The following CDK19 variants were observed in gnomAD, a reference collection of about 807,000 sequenced individuals.
The protein encoded by CDK19 is cyclin-dependent kinase 19.
In CDK19, 20 loss-of-function variants were observed where a neutral mutation model predicts 68.3. The ratio of observed to expected loss-of-function variants is 0.29; its 90% CI spans 0.21 to 0.43. The LOEUF is 0.43. CDK19 is among the 20% of genes least tolerant of loss of function. CDK19 has a pLI of 1.00. For synonymous variants in CDK19, 221 were observed against 222.8 expected (o/e 0.99, Z 0.07); for missense variants, 339 against 623.5 (o/e 0.54, Z 4.86).
intron 1 of CDK19, among the ~76,000 whole-genome samples, chr6:110,804,905 G>A (rs554956481): frequency 4.0e-5 from 6 of 151,384 alleles, no homozygotes; most frequent in African/African-American, 9.7e-5. Flanking sequence ...GCAGTGAGCC[G>A]AGATCGCGCC....
chr6:110,648,538 C>CTTTTTTTTTTT (rs60624969), intron 4 of CDK19, among the ~76,000 whole-genome samples: 2 of 120,216 alleles, frequency 1.7e-5, no homozygotes, highest in African/African-American at 3.1e-5. Context: ...TTTTTCTTTT[C>CTTTTTTTTTTT]TTTTTTTTTT....
intron 1 of CDK19, among the ~76,000 whole-genome samples, chr6:110,755,755 C>G (rs571018304): frequency 6.6e-6 from 1 of 152,120 alleles, no homozygotes. Context: ...CCTGTACTAT[C>G]GAAAGCCATC....
chr6:110,776,919 A>G (rs1364117254), intron 1 of CDK19, among the ~76,000 whole-genome samples: 2 of 152,220 alleles, frequency 1.3e-5, no homozygotes, highest in Non-Finnish European at 2.9e-5. Flanking sequence ...TGAGATAGGT[A>G]CTATTATACT....
chr6:110,688,354 A>T (rs931312702), intron 2 of CDK19, among the ~76,000 whole-genome samples: 2 of 149,086 alleles, frequency 1.3e-5, no homozygotes, highest in East Asian at 2.0e-4. Context: ...TATATATATA[A>T]AATGCAGGGA....
intron 2 of CDK19, among the ~76,000 whole-genome samples, chr6:110,734,123 C>A (rs1266079639): frequency 6.6e-6 from 1 of 152,054 alleles, no homozygotes; most frequent in Non-Finnish European, 1.5e-5. Context: ...AATTCTCGTG[C>A]CTCAGCCTGC....
chr6:110,695,785 A>G (rs1167842098), intron 2 of CDK19, among the ~76,000 whole-genome samples: 1 of 152,068 alleles, frequency 6.6e-6, no homozygotes, highest in Non-Finnish European at 1.5e-5. Flanking sequence ...ACCCTCCTAG[A>G]TTAACTTGGG....
At chr6:110,701,936 TTCGAGAC>T (rs1229226947) in intron 2 of CDK19, among the ~76,000 whole-genome samples, 4 of 147,380 alleles carry the variant, frequency 2.7e-5, no homozygotes, top group African/African-American at 7.6e-5. Flanking sequence ...AGGTCAGGAG[TTCGAGAC>T]CAGCTTGGCT....
At chr6:110,700,715 A>G (rs1773919807) in intron 2 of CDK19, 3 of 178,826 alleles carry the variant, frequency 1.7e-5, no homozygotes, top group Non-Finnish European at 3.7e-5. Context: ...ATGCCTACCA[A>G]GACTCTGAAA....
intron 2 of CDK19, among the ~76,000 whole-genome samples, chr6:110,719,624 T>C (rs568903758): frequency 1.3e-5 from 2 of 152,206 alleles, no homozygotes; most frequent in South Asian, 4.1e-4. Context: ...GAAAAGATAA[T>C]ACAGTTAAAG....
chr6:110,791,288 A>G (rs1229066615), intron 1 of CDK19, among the ~76,000 whole-genome samples: 1 of 152,106 alleles, frequency 6.6e-6, no homozygotes, highest in African/African-American at 2.4e-5. Flanking sequence ...AAAAGAAAAG[A>G]AAAATGTAGA....
chr6:110,624,635 G>A (rs549864536), intron 8 of CDK19, among the ~76,000 whole-genome samples: 1 of 152,242 alleles, frequency 6.6e-6, no homozygotes, highest in South Asian at 2.1e-4. Context: ...CTAAAAAATT[G>A]TCTTAGCTTT....
Position 110,611,994 on chromosome 6 carries a change from T to C in CDK19, c.*2541A>G, listed in dbSNP as rs1778048889. On this transcript the variant is annotated 3_prime_UTR_variant, in exon 13 of 13. Transcript: ENST00000368911. Reference sequence around the variant, plus strand: ...GAGGATATTGTATACTGGGAGCAACTGACGAAATCCCCTTACAGTTTATAT... The same window carrying C: ...GAGGATATTGTATACTGGGAGCAACCGACGAAATCCCCTTACAGTTTATAT... The C allele has an allele frequency of 6.6e-6, 1 of 152,232 alleles. No individual in the cohort carries two copies. Among genetic ancestry groups the C allele is most frequent in the South Asian group, 2.1e-4 (1 of 4,838 alleles). The allele number at this position is 152,232 out of a possible 1,614,324, so 9.4% of individuals were successfully genotyped here.
chr6:110,635,858 C>CA (rs1259088548), intron 5 of CDK19, among the ~76,000 whole-genome samples: 4 of 151,986 alleles, frequency 2.6e-5, no homozygotes, highest in African/African-American at 4.8e-5. Flanking sequence ...TTCTTTTAAG[C>CA]AAAAAACAAC....
chr6:110,732,466 G>A (rs1428450452), intron 2 of CDK19, among the ~76,000 whole-genome samples: 2 of 152,028 alleles, frequency 1.3e-5, no homozygotes, highest in African/African-American at 2.4e-5. Context: ...AATCTGGGAG[G>A]CAGAGGTTGC....
chr6:110,704,642 T>C (rs1774286191), intron 2 of CDK19, among the ~76,000 whole-genome samples: 2 of 152,244 alleles, frequency 1.3e-5, no homozygotes, highest in South Asian at 2.1e-4. Context: ...TGTAAAGTCA[T>C]TCCATGTTAT....
At chr6:110,647,250 T>C (rs1016254983) in intron 4 of CDK19, among the ~76,000 whole-genome samples, 1 of 152,062 alleles carries the variant, frequency 6.6e-6, no homozygotes, top group African/African-American at 2.4e-5. Flanking sequence ...CAGCCTTGTC[T>C]ATGCAGCAAG....
intron 1 of CDK19, among the ~76,000 whole-genome samples, chr6:110,773,463 G>A (rs1031018569): frequency 2.0e-5 from 3 of 152,080 alleles, no homozygotes; most frequent in Non-Finnish European, 4.4e-5. Context: ...TCATGGATTA[G>A]GCTGCCCCTC....
intron 1 of CDK19, among the ~76,000 whole-genome samples, chr6:110,802,669 C>T (rs1248533055): frequency 6.6e-6 from 1 of 152,138 alleles, no homozygotes; most frequent in Non-Finnish European, 1.5e-5. Context: ...CAAACCTGCA[C>T]ATGTATCCCC....
chr6:110,743,515 G>A (rs530175318), intron 2 of CDK19, among the ~76,000 whole-genome samples: 29 of 152,080 alleles, frequency 1.9e-4, no homozygotes, highest in African/African-American at 5.8e-4. Flanking sequence ...GGTGGTGCAC[G>A]CCTGTAATCC....
Sources: allele counts gnomAD v4.1 joint callset (sites outside exome capture counted in the v4.1 genomes callset), GRCh38; gene constraint gnomAD v4.1.1; transcripts MANE v1.5; gene names NCBI Gene and HGNC (gene_info 2026-07-23, HGNC 2026-07-21).